Variants in UBE2D2 observed in about 807,000 individuals in gnomAD.
UBE2D2 encodes the protein ubiquitin-conjugating enzyme E2 D2.
A neutral mutation model predicts 24.2 loss-of-function variants in UBE2D2; 2 were observed. The observed-to-expected ratio is 0.08, with a 90% CI of 0.03 to 0.26. UBE2D2 has a LOEUF of 0.26. Among genes scored for constraint, UBE2D2 ranks in the 10% least tolerant of loss-of-function variants. The probability of loss-of-function intolerance (pLI) is 1.00; values close to 1 mark genes in which losing one functional copy is unlikely to be tolerated. For synonymous variants in UBE2D2, 58 were observed against 56.5 expected (o/e 1.03, Z -0.12); for missense variants, 44 against 177.6 (o/e 0.25, Z 4.28).
intron 1 of UBE2D2, among the ~76,000 whole-genome samples, chr5:139,579,773 C>T (rs541999649): frequency 2.5e-4 from 38 of 152,094 alleles, no homozygotes; most frequent in African/African-American, 7.7e-4. Context: ...AGATGTTGGG[C>T]GCGGTGGCTC....
chr5:139,546,256 C>T (rs963893420), intron 1 of UBE2D2, among the ~76,000 whole-genome samples: 1 of 152,004 alleles, frequency 6.6e-6, no homozygotes, highest in East Asian at 1.9e-4. Flanking sequence ...GTTGGCCAGG[C>T]TGGTCTTGAA....
intron 6 of UBE2D2, among the ~76,000 whole-genome samples, chr5:139,623,854 G>A (rs1292121952): frequency 1.3e-5 from 2 of 152,020 alleles, no homozygotes; most frequent in African/African-American, 4.8e-5. Flanking sequence ...ACCACGCCAG[G>A]TTCGTTTTTT....
In UBE2D2 at chr5:139,561,496, T is replaced by G; in HGVS notation, c.-296T>G. 2 of 374,144 alleles carry G rather than the reference T, an allele frequency of 5.3e-6. No individual in the cohort carries two copies. Among genetic ancestry groups the G allele is most frequent in the Non-Finnish European group, 9.6e-6 (2 of 209,118 alleles). 23.2% of individuals were successfully genotyped at this position (374,144 alleles called of 1,614,324 possible). A position where few individuals can be genotyped will look rare whatever the true frequency, so the allele number is the denominator to read the frequency against. On this transcript the variant is annotated 5_prime_UTR_variant, in exon 1 of 7. Transcript: ENST00000398733. ...TTCTGGCGGAGGGATCTGCGGCGGT[T>G]TAGGAGGCGGCGCTGATCCTGGGAG...
At chr5:139,622,397 ACCACG>A (rs1182204231) in intron 5 of UBE2D2, among the ~76,000 whole-genome samples, 1 of 150,920 alleles carries the variant, frequency 6.6e-6, no homozygotes, top group Non-Finnish European at 1.5e-5. Flanking sequence ...GGCACACACC[ACCACG>A]CCCAGCTAAT....
chr5:139,598,552 CTT>C (rs746165110), intron 1 of UBE2D2, among the ~76,000 whole-genome samples: 4 of 104,938 alleles, frequency 3.8e-5, no homozygotes, highest in African/African-American at 1.7e-4. Flanking sequence ...ACTACAAAGC[CTT>C]TTTTTTTTTT....
At chr5:139,532,570 A>C (rs965692852) in intron 1 of UBE2D2, among the ~76,000 whole-genome samples, 13 of 151,822 alleles carry the variant, frequency 8.6e-5, no homozygotes, top group African/African-American at 1.9e-4. Flanking sequence ...CCAGGATGGT[A>C]TCAATCTCCT....
chr5:139,601,512 G>A (rs1754074145), intron 2 of UBE2D2, among the ~76,000 whole-genome samples: 1 of 152,176 alleles, frequency 6.6e-6, no homozygotes, highest in Non-Finnish European at 1.5e-5. Context: ...GAAGGCTAAG[G>A]TGGGAGGTTT....
chr5:139,553,867 C>G (rs1300988298), intron 1 of UBE2D2, among the ~76,000 whole-genome samples: 1 of 152,088 alleles, frequency 6.6e-6, no homozygotes, highest in Non-Finnish European at 1.5e-5. Flanking sequence ...GCAACCTCTG[C>G]CTCCCAGGTT....
At chr5:139,600,233 C>T (rs1421751188) in intron 1 of UBE2D2, 139 bp from the exon 2 acceptor site, 5 of 907,444 alleles carry the variant, frequency 5.5e-6, no homozygotes, top group Non-Finnish European at 8.8e-6. Context: ...CACCAATCTA[C>T]TCATCTCTTA....
chr5:139,564,409 C>A (rs1753173262), intron 1 of UBE2D2, among the ~76,000 whole-genome samples: 1 of 150,942 alleles, frequency 6.6e-6, no homozygotes, highest in African/African-American at 2.4e-5. Flanking sequence ...CTGCCTCAGC[C>A]TCCCAAAGTG....
At chr5:139,578,469 T>TGTGTGTGTGTG in intron 1 of UBE2D2, among the ~76,000 whole-genome samples, 1 of 150,716 alleles carries the variant, frequency 6.6e-6, no homozygotes, top group Admixed American at 6.7e-5. Context: ...TGTGTGTGTG[T>TGTGTGTGTGTG]TTTGACAGGG....
chr5:139,571,793 C>CTTCCTCCTTCCCTT (rs1753357238), intron 1 of UBE2D2, among the ~76,000 whole-genome samples: 3 of 150,428 alleles, frequency 2.0e-5, no homozygotes, highest in Non-Finnish European at 4.4e-5. Context: ...CTCCTTCCCT[C>CTTCCTCCTTCCCTT]ACTCACTTCC....
intron 1 of UBE2D2, among the ~76,000 whole-genome samples, chr5:139,537,973 A>G (rs926048846): frequency 4.6e-5 from 7 of 151,932 alleles, no homozygotes; most frequent in African/African-American, 1.7e-4. Context: ...CAAAAAAAAA[A>G]AAAAGAGAAA....
chr5:139,553,108 C>T (rs537868784), intron 1 of UBE2D2, among the ~76,000 whole-genome samples: 1 of 152,158 alleles, frequency 6.6e-6, no homozygotes, highest in Non-Finnish European at 1.5e-5. Flanking sequence ...CATAAGCCAC[C>T]GCTCCTGGCC....
chr5:139,550,647 C>T (rs536204904), intron 1 of UBE2D2, among the ~76,000 whole-genome samples: 5 of 152,088 alleles, frequency 3.3e-5, no homozygotes, highest in East Asian at 1.9e-4. Flanking sequence ...AGTTTATGAG[C>T]TGTAACACTC....
intron 2 of UBE2D2, among the ~76,000 whole-genome samples, chr5:139,613,528 T>C (rs1465842392): frequency 6.6e-6 from 1 of 152,230 alleles, no homozygotes; most frequent in African/African-American, 2.4e-5. Flanking sequence ...TATAACTTAT[T>C]AGAAGTATCC....
intron 1 of UBE2D2, among the ~76,000 whole-genome samples, chr5:139,581,704 C>T (rs551715637): frequency 1.3e-5 from 2 of 152,024 alleles, no homozygotes; most frequent in South Asian, 2.1e-4. Flanking sequence ...AGTCTCGATC[C>T]GTCACCCACG....
intron 1 of UBE2D2, among the ~76,000 whole-genome samples, chr5:139,555,666 C>G (rs1752971703): frequency 6.6e-6 from 1 of 152,054 alleles, no homozygotes; most frequent in Non-Finnish European, 1.5e-5. Context: ...CTGGCTCATG[C>G]CTGTAATCCC....
chr5:139,605,118 T>TA (rs1397726796), intron 2 of UBE2D2, among the ~76,000 whole-genome samples: 2 of 152,150 alleles, frequency 1.3e-5, no homozygotes, highest in African/African-American at 4.8e-5. Context: ...ATATTTAGTG[T>TA]AAAAATAAAG....
Sources: allele counts gnomAD v4.1 joint callset (sites outside exome capture counted in the v4.1 genomes callset), GRCh38; gene constraint gnomAD v4.1.1; transcripts MANE v1.5; gene names NCBI Gene and HGNC (gene_info 2026-07-23, HGNC 2026-07-21).